The following SKAP2 variants were observed in gnomAD, a reference collection of about 807,000 sequenced individuals.
SKAP2 encodes src kinase associated phosphoprotein 2.
SKAP2 carries 28 observed loss-of-function variants against 54.9 expected under a neutral mutation model. The ratio of observed to expected loss-of-function variants is 0.51; its 90% confidence interval spans 0.38 to 0.70. SKAP2 has a LOEUF of 0.70. Among genes scored for constraint, SKAP2 ranks in the 30% least tolerant of loss-of-function variants. SKAP2 has a pLI of 0.00. For missense variants in SKAP2, 356 were observed against 424.1 expected (o/e 0.84, Z 1.41); for synonymous variants, 137 against 134.3 (o/e 1.02, Z -0.14).
rs185837415 is a variant in SKAP2 at position 26,717,705 on chromosome 7, T to C, written c.796+7723A>G. On this transcript the variant is annotated intron_variant, in intron 9 of 12. Transcript: ENST00000345317. ...AAAATTAGCTGGGCGTGGTGGCGCA[T>C]GCCTGTAATCCAGGTACTTGGGAGG... 4.8e-3 allele frequency among the ~76,000 whole-genome samples: 728 copies of C among 150,408 alleles called. 6 individuals carry two copies. The highest frequency in any genetic ancestry group is 0.017 in the African/African-American group (688 of 41,166).
intron 11 of SKAP2, among the ~76,000 whole-genome samples, chr7:26,670,476 T>C (rs1034904600): frequency 2.6e-5 from 4 of 152,054 alleles, no homozygotes; most frequent in Non-Finnish European, 4.4e-5. Flanking sequence ...AAGCCTTCTC[T>C]CGGGGACACT....
intron 4 of SKAP2, among the ~76,000 whole-genome samples, chr7:26,809,787 A>C (rs1192640147): frequency 6.6e-6 from 1 of 152,242 alleles, no homozygotes; most frequent in African/African-American, 2.4e-5. Flanking sequence ...TCAGTATGTC[A>C]AGGGGATATC....
At chr7:26,789,525 T>C (rs188140935) in intron 4 of SKAP2, among the ~76,000 whole-genome samples, 205 of 152,362 alleles carry the variant, frequency 1.3e-3, no homozygotes, top group African/African-American at 4.7e-3. Context: ...CACTGAATAT[T>C]CTACTATTCC....
At chr7:26,806,175 C>T (rs1376624321) in intron 4 of SKAP2, among the ~76,000 whole-genome samples, 2 of 152,218 alleles carry the variant, frequency 1.3e-5, no homozygotes, top group Non-Finnish European at 1.5e-5. Flanking sequence ...TTCCCTATTC[C>T]CTGAGACATA....
intron 4 of SKAP2, among the ~76,000 whole-genome samples, chr7:26,746,214 G>A (rs986409845): frequency 6.6e-5 from 10 of 152,100 alleles, no homozygotes; most frequent in African/African-American, 1.4e-4. Context: ...AAAAGCCTCT[G>A]TTCCCAGAGC....
intron 9 of SKAP2, among the ~76,000 whole-genome samples, chr7:26,699,624 C>CA (rs925765067): frequency 1.3e-5 from 2 of 151,132 alleles, no homozygotes; most frequent in African/African-American, 4.9e-5. Flanking sequence ...TAAAACAAAC[C>CA]AAAAAAATCT....
At chr7:26,712,524 C>T (rs1787332960) in intron 9 of SKAP2, among the ~76,000 whole-genome samples, 1 of 152,154 alleles carries the variant, frequency 6.6e-6, no homozygotes, top group Non-Finnish European at 1.5e-5. Context: ...CAGTTATTGG[C>T]TAAAAGCTTA....
intron 4 of SKAP2, among the ~76,000 whole-genome samples, chr7:26,745,493 TG>T (rs1247983787): frequency 6.6e-6 from 1 of 152,202 alleles, no homozygotes; most frequent in Admixed American, 6.5e-5. Flanking sequence ...GGCCACCTCC[TG>T]GGGGGAGATA....
chr7:26,673,438 T>G (rs1441999853), intron 11 of SKAP2, among the ~76,000 whole-genome samples: 2 of 152,096 alleles, frequency 1.3e-5, no homozygotes, highest in African/African-American at 4.8e-5. Flanking sequence ...AAAGCTACAT[T>G]ATGCGGTTAT....
chr7:26,672,726 A>ACC (rs1264253817), intron 11 of SKAP2, among the ~76,000 whole-genome samples: 1 of 152,050 alleles, frequency 6.6e-6, no homozygotes, highest in African/African-American at 2.4e-5. Flanking sequence ...TGCAGCCATT[A>ACC]GAGTGTTGAC....
At chr7:26,783,733 C>A (rs1783473964) in intron 4 of SKAP2, among the ~76,000 whole-genome samples, 1 of 151,950 alleles carries the variant, frequency 6.6e-6, no homozygotes, top group African/African-American at 2.4e-5. Context: ...AACCTAAAAG[C>A]AGATGCAAAA....
intron 4 of SKAP2, among the ~76,000 whole-genome samples, chr7:26,780,955 A>G (rs907723772): frequency 1.3e-5 from 2 of 152,146 alleles, no homozygotes; most frequent in Non-Finnish European, 2.9e-5. Flanking sequence ...TGTATTAAGG[A>G]TATGTTTATA....
chr7:26,678,083 A>C (rs1786395958), intron 11 of SKAP2, among the ~76,000 whole-genome samples: 1 of 152,204 alleles, frequency 6.6e-6, no homozygotes, highest in Non-Finnish European at 1.5e-5. Flanking sequence ...TCCTCAGATA[A>C]TTTCCATAAT....
chr7:26,664,494 T>A (rs550664925), downstream of SKAP2, among the ~76,000 whole-genome samples: 19 of 152,280 alleles, frequency 1.2e-4, no homozygotes, highest in African/African-American at 4.1e-4. Context: ...CGAAAGCAGC[T>A]GTCTTTAACC....
chr7:26,827,016 C>T (rs553825133), intron 4 of SKAP2, among the ~76,000 whole-genome samples: 109 of 152,228 alleles, frequency 7.2e-4, no homozygotes, highest in African/African-American at 2.6e-3. Context: ...GACACCAACA[C>T]CAAAATAAGT....
intron 11 of SKAP2, among the ~76,000 whole-genome samples, chr7:26,670,813 G>C (rs1464730059): frequency 1.3e-5 from 2 of 151,790 alleles, no homozygotes; most frequent in African/African-American, 4.8e-5. Context: ...TTTCCCTAAG[G>C]CATTTATTAT....
intron 7 of SKAP2, 123 bp downstream of exon 7, chr7:26,726,759 A>T: frequency 1.3e-6 from 1 of 794,370 alleles, no homozygotes; most frequent in Non-Finnish European, 1.8e-6. Flanking sequence ...TAATATATTT[A>T]AACATCAGTA....
At chr7:26,802,277 G>GTTT (rs34323117) in intron 4 of SKAP2, among the ~76,000 whole-genome samples, 1 of 118,338 alleles carries the variant, frequency 8.5e-6, no homozygotes. Context: ...TTTTTTTTTG[G>GTTT]TTTTTTTTTT....
chr7:26,733,873 G>A (rs1037505457), intron 6 of SKAP2, among the ~76,000 whole-genome samples: 1 of 152,152 alleles, frequency 6.6e-6, no homozygotes, highest in African/African-American at 2.4e-5. Context: ...CGGTGCTAGT[G>A]TATTCTTTAA....
Sources: allele counts gnomAD v4.1 joint callset (sites outside exome capture counted in the v4.1 genomes callset), GRCh38; gene constraint gnomAD v4.1.1; transcripts MANE v1.5; gene names NCBI Gene and HGNC (gene_info 2026-07-23, HGNC 2026-07-21).